The following CCNB3 variants were observed in gnomAD, a reference collection of about 807,000 sequenced individuals.
CCNB3 encodes the protein cyclin B3.
A neutral mutation model predicts 68.0 loss-of-function variants in CCNB3; 12 were observed. The ratio of observed to expected loss-of-function variants is 0.18; its 90% CI spans 0.11 to 0.29. CCNB3 has a LOEUF of 0.29. Ranked by LOEUF, CCNB3 falls within the 10% of genes least tolerant of loss-of-function variation. The probability of loss-of-function intolerance (pLI) is 1.00; values close to 1 mark genes in which losing one functional copy is unlikely to be tolerated. For synonymous variants in CCNB3, 354 were observed against 388.9 expected, an observed-to-expected ratio of 0.91 and a Z score of 1.06; for missense variants, 904 against 993.1, an observed-to-expected ratio of 0.91 and a Z score of 1.21.
rs1051685257 is a variant in CCNB3, at chrX:50,331,970, T to C, written c.3517-10232T>C. 4.5e-5 allele frequency among the ~76,000 whole-genome samples: 5 copies of C among 111,437 alleles called. No individual in the cohort carries two copies. The Admixed American group carries it at 4.8e-4, about 11-fold the overall frequency. On this transcript the variant is annotated intron_variant, in intron 8 of 12. Transcript: ENST00000376042. ...GAAGGTGGACTGGATCCTTTTCATT[T>C]TTTTATCCAAGTGGCCCAAATGACA...
intron 9 of CCNB3, 129 bp downstream of exon 9, chrX:50,342,468 A>G (rs1448871968): frequency 6.4e-6 from 4 of 626,101 alleles, no homozygotes; most frequent in East Asian, 7.7e-5. Flanking sequence ...TGGACTGCTT[A>G]TACTATGGTG....
rs782573220 is a variant in CCNB3 at position 50,310,398 on chromosome X, A to G, written c.2229A>G (p.Ile743Met). The G allele has an allele frequency of 8.3e-7, 1 of 1,211,528 alleles. No individual in the cohort carries two copies. The highest frequency in any genetic ancestry group is 1.1e-6 in the Non-Finnish European group (1 of 895,168). The change falls in exon 6 of 13, where the codon ATA becomes ATG. Residue 743 changes from isoleucine to methionine, a missense_variant. By Grantham distance (10) the Ile-to-Met change is conservative. This residue lies in a region of CCNB3 where 619 missense variants were observed against 609.8 expected (regional missense o/e 1.02). Transcript: ENST00000376042. ...EELSAEAATN[I>M]QTQLSLKKKS... ...TTTCTGCTGAGGCAGCCACAAACAT[A>G]CAGACACAATTATCTTTAAAGAAGA... is the stretch of plus-strand genomic sequence containing the variant.
rs1380046663 is a variant in CCNB3, at chrX:50,279,368, A to G, written c.-112-5174A>G. On this transcript the variant is annotated intron_variant, in intron 1 of 12. Transcript: ENST00000376042. ...ATATGAATATAGGATATTTATATGA[A>G]TATATAAATATATGAAATATTTTGT... Among the ~76,000 whole-genome samples the G allele has an allele frequency of 5.5e-4, 43 of 78,136 alleles. No homozygotes were observed. The East Asian group carries it at 0.014, about 26-fold the overall frequency. The allele number at this position is 78,136 out of a possible 115,157, so 67.9% of individuals were successfully genotyped here.
intron 8 of CCNB3, chrX:50,341,980 G>A: frequency 2.8e-6 from 1 of 354,151 alleles, no homozygotes; most frequent in South Asian, 4.5e-5. Flanking sequence ...TTGTAAGGCT[G>A]GTCAACTACC....
At chrX:50,287,136 G>C (rs1158469785) in intron 3 of CCNB3, among the ~76,000 whole-genome samples, 1 of 111,775 alleles carries the variant, frequency 8.9e-6, no homozygotes, top group Non-Finnish European at 1.9e-5. Context: ...TTTGTTTTCA[G>C]AATTTCATAA....
intron 1 of CCNB3, among the ~76,000 whole-genome samples, chrX:50,218,919 C>T (rs1391140790): frequency 8.1e-5 from 9 of 111,619 alleles, no homozygotes. Context: ...CCTATTTCAC[C>T]ACATCCTCTG....
chrX:50,332,307 C>T (rs370002251), intron 8 of CCNB3, among the ~76,000 whole-genome samples: 4 of 111,426 alleles, frequency 3.6e-5, no homozygotes, highest in African/African-American at 1.3e-4. Context: ...GTTTCCTGGG[C>T]TACATACCTT....
intron 9 of CCNB3, among the ~76,000 whole-genome samples, chrX:50,343,351 A>G (rs1350237996): frequency 8.9e-6 from 1 of 111,785 alleles, no homozygotes; most frequent in East Asian, 2.8e-4. Context: ...TACTGCACCC[A>G]TTAACTCGTC....
chrX:50,326,557 C>G (rs1400008049), intron 8 of CCNB3, among the ~76,000 whole-genome samples: 1 of 111,059 alleles, frequency 9.0e-6, no homozygotes, highest in East Asian at 2.8e-4. Context: ...GGGAGAATTT[C>G]TTAAGATAGC....
chrX:50,292,199 A>G (rs1417305572), intron 4 of CCNB3, among the ~76,000 whole-genome samples: 2 of 111,083 alleles, frequency 1.8e-5, no homozygotes, highest in Admixed American at 9.7e-5. Flanking sequence ...CTATATTCCA[A>G]TTTTGTCAGT....
At chrX:50,297,437 T>G (rs1191422235) in intron 5 of CCNB3, among the ~76,000 whole-genome samples, 3 of 111,493 alleles carry the variant, frequency 2.7e-5, no homozygotes, top group Admixed American at 9.5e-5. Context: ...ATCAGATAGT[T>G]GTTGATGTGT....
chrX:50,337,359 G>A (rs945232499), intron 8 of CCNB3, among the ~76,000 whole-genome samples: 1 of 110,826 alleles, frequency 9.0e-6, no homozygotes, highest in Non-Finnish European at 1.9e-5. Flanking sequence ...ACTTCCCTCG[G>A]TGGGTGGAGT....
intron 5 of CCNB3, among the ~76,000 whole-genome samples, chrX:50,303,509 T>C (rs185347856): frequency 1.3e-4 from 14 of 109,101 alleles, no homozygotes; most frequent in African/African-American, 4.3e-4. Flanking sequence ...CTCATTGTGG[T>C]TTTTAGGTTT....
rs1557214553 is a variant in CCNB3, at chrX:50,310,386, A to G, written c.2217A>G (p.Ala739=). The part of the protein sequence containing the change: ...LALKEELSAE[A]ATNIQTQLSL... Reference sequence around the variant, plus strand: ...TGAAGGAGGAGCTTTCTGCTGAGGCAGCCACAAACATACAGACACAATTAT... The same window carrying G: ...TGAAGGAGGAGCTTTCTGCTGAGGCGGCCACAAACATACAGACACAATTAT... Residue 739 remains alanine, a synonymous_variant, in exon 6 of 13, where the codon GCA becomes GCG. Coordinates refer to ENST00000376042, the MANE Select transcript of CCNB3 (RefSeq NM_033031.3). 8.3e-7 allele frequency: 1 copy of G among 1,211,698 alleles called. No homozygotes were observed. The highest frequency in any genetic ancestry group is 1.1e-6 in the Non-Finnish European group (1 of 895,291).
In CCNB3 at chrX:50,309,937, G is replaced by A; in HGVS notation, c.1768G>A (p.Glu590Lys). ...VLTKTSLSLQEKKITQGKMSH... is the reference protein window; with the variant it reads ...VLTKTSLSLQKKKITQGKMSH... Reference sequence around the variant, plus strand: ...TACCAAGACATCGTTGTCTTTACAGGAAAAGAAAATTACTCAGGGGAAGAT... The same window carrying A: ...TACCAAGACATCGTTGTCTTTACAGAAAAAGAAAATTACTCAGGGGAAGAT... Residue 590 changes from glutamate to lysine, a missense_variant, in exon 6 of 13, where the codon GAA becomes AAA. Around this residue, in one of 2 missense-constraint regions of CCNB3, gnomAD observed 619 missense variants for 609.8 expected, o/e 1.02. Transcript: ENST00000376042. The A allele has an allele frequency of 8.3e-7, 1 of 1,210,150 alleles. No homozygotes were observed. Among genetic ancestry groups the A allele is most frequent in the Non-Finnish European group, 1.1e-6 (1 of 894,453 alleles).
intron 1 of CCNB3, among the ~76,000 whole-genome samples, chrX:50,208,201 A>G (rs1288047378): frequency 8.9e-6 from 1 of 111,952 alleles, no homozygotes; most frequent in African/African-American, 3.2e-5. Context: ...TCTAGGAGGA[A>G]ATCTGGTGTT....
intron 9 of CCNB3, 25 bp downstream of exon 9, chrX:50,342,364 G>A (rs782454291): frequency 8.6e-7 from 1 of 1,157,898 alleles, no homozygotes; most frequent in Non-Finnish European, 1.2e-6. Context: ...CTATGGCCTG[G>A]AGAACTAATC....
At chrX:50,228,780 A>G (rs1466396415) in intron 1 of CCNB3, among the ~76,000 whole-genome samples, 11 of 66,237 alleles carry the variant, frequency 1.7e-4, no homozygotes, top group Admixed American at 4.4e-4. Context: ...GAATACATAT[A>G]TAGAATATAT....
intron 1 of CCNB3, among the ~76,000 whole-genome samples, chrX:50,228,416 T>C (rs1935967475): frequency 2.2e-5 from 2 of 92,757 alleles, no homozygotes; most frequent in Non-Finnish European, 4.2e-5. Flanking sequence ...AGGATATATC[T>C]ATGTAGAATA....
Sources: allele counts gnomAD v4.1 joint callset (sites outside exome capture counted in the v4.1 genomes callset), GRCh38; gene constraint gnomAD v4.1.1; regional missense constraint gnomAD v4.1.1; transcripts MANE v1.5; gene names NCBI Gene and HGNC (gene_info 2026-07-23, HGNC 2026-07-21).